The following PCDHGB1 variants were observed in gnomAD, a reference collection of about 807,000 sequenced individuals.
The protein encoded by PCDHGB1 is protocadherin gamma-B1.
In PCDHGB1, 34 loss-of-function variants were observed where a neutral mutation model predicts 56.6. The observed-to-expected ratio is 0.60, with a 90% confidence interval of 0.46 to 0.80. PCDHGB1 has a LOEUF of 0.80. Among genes scored for constraint, PCDHGB1 ranks in the 30% least tolerant of loss-of-function variants. The pLI is 0.00. For missense variants in PCDHGB1, 1,278 were observed against 1,204.6 expected (o/e 1.06, Z -0.90); for synonymous variants, 561 against 505.9 (o/e 1.11, Z -1.46).
In PCDHGB1 at chr5:141,487,568, C is replaced by T. The variant is rs752378906; in HGVS notation, c.2410-7239C>T. Reference sequence around the variant, plus strand: ...ACCCAGTGCACCTATGGCAGGGGAGCCTGTTCGCCCAAGCTGCCCACCCTC... The same window carrying T: ...ACCCAGTGCACCTATGGCAGGGGAGTCTGTTCGCCCAAGCTGCCCACCCTC... On this transcript the variant is annotated intron_variant, in intron 1 of 3. Transcript: ENST00000523390. This position sits in a 1 kb window ranked among gnomAD's most constrained non-coding sequence, Gnocchi z 5.0. The T allele has an allele frequency of 1.2e-6, 2 of 1,614,180 alleles. No individual in the cohort carries two copies. The highest frequency in any genetic ancestry group is 1.7e-6 in the Non-Finnish European group (2 of 1,180,042).
Position 141,486,638 on chromosome 5 carries a change from C to T in PCDHGB1, c.2410-8169C>T, listed in dbSNP as rs753730551. 5.6e-6 allele frequency: 9 copies of T among 1,613,700 alleles called. No homozygotes were observed. In the East Asian group the frequency reaches 8.9e-5, roughly 16 times the overall value. On this transcript the variant is annotated intron_variant, in intron 1 of 3. Coordinates refer to ENST00000523390, the MANE Select transcript of PCDHGB1 (RefSeq NM_018922.3). This position sits in a 1 kb window ranked among gnomAD's most constrained non-coding sequence, Gnocchi z 5.0. The stretch of plus-strand genomic sequence containing the variant: ...TGACCCAGACTCTGGCTTGAATGCG[C>T]TTATCTCCTACTCACTCCTGGAGCC...
intron 1 of PCDHGB1, chr5:141,411,907 G>A (rs2095522781): frequency 1.3e-5 from 2 of 152,156 alleles, no homozygotes; most frequent in Non-Finnish European, 2.9e-5. Flanking sequence ...TATTGCCTTT[G>A]CACTCAGTCT....
In PCDHGB1 at chr5:141,404,747, G is replaced by A. The variant is rs142282950; in HGVS notation, c.2409+52078G>A. 3.0e-4 allele frequency: 483 copies of A among 1,614,062 alleles called. 2 individuals carry two copies. The African/African-American group carries it at 5.3e-3, about 18-fold the overall frequency. On this transcript the variant is annotated intron_variant, in intron 1 of 3. Coordinates refer to ENST00000523390, the MANE Select transcript of PCDHGB1 (RefSeq NM_018922.3). ...GGTGGTGGCAGTGGACAGAGACTCA[G>A]GCCAGAATGCTTGGCTCTCCTACCG...
chr5:141,484,866 C>A (rs1474623432), intron 1 of PCDHGB1: 9 of 275,500 alleles, frequency 3.3e-5, no homozygotes, highest in Non-Finnish European at 5.5e-5. Context: ...GGTGGGGGAG[C>A]GTGGAGGATA....
chr5:141,489,635 G>T lies in PCDHGB1; in HGVS notation c.2410-5172G>T, dbSNP rs1380466520. On this transcript the variant is annotated intron_variant, in intron 1 of 3. Coordinates refer to ENST00000523390, the MANE Select transcript of PCDHGB1 (RefSeq NM_018922.3). This position sits in a 1 kb window ranked among gnomAD's most constrained non-coding sequence, Gnocchi z 4.5. ...CTGGATCTCAATGACAACTCTCCTA[G>T]CTTTGCCACCCCTGAGCGAGAGATG... 1.2e-6 allele frequency: 2 copies of T among 1,614,024 alleles called. No homozygotes were observed. The highest frequency in any genetic ancestry group is 2.7e-5 in the African/African-American group (2 of 74,908).
At chr5:141,414,266 C>T in intron 1 of PCDHGB1, 1 of 1,613,254 alleles carries the variant, frequency 6.2e-7, no homozygotes, top group Non-Finnish European at 8.5e-7. Context: ...ACTGAAGATT[C>T]ACCTCTGGGA....
chr5:141,436,590 C>T (rs1050788291), intron 1 of PCDHGB1, among the ~76,000 whole-genome samples: 10 of 152,102 alleles, frequency 6.6e-5, no homozygotes, highest in East Asian at 1.9e-4. Context: ...TTTGAAAGGT[C>T]GTGGTGATGG....
chr5:141,382,576 G>A (rs1778302308), intron 1 of PCDHGB1, among the ~76,000 whole-genome samples: 1 of 152,162 alleles, frequency 6.6e-6, no homozygotes, highest in Non-Finnish European at 1.5e-5. Context: ...ATCTAACAGG[G>A]AAATTTTGAA....
intron 2 of PCDHGB1, among the ~76,000 whole-genome samples, chr5:141,499,573 A>AT (rs2099792803): frequency 1.3e-5 from 2 of 152,108 alleles, no homozygotes; most frequent in Non-Finnish European, 2.9e-5. Context: ...AGCTTCAACT[A>AT]ATGCCTTATC....
Position 141,357,641 on chromosome 5 carries a change from G to A in PCDHGB1, c.2409+4972G>A, listed in dbSNP as rs773379210. On this transcript the variant is annotated intron_variant, in intron 1 of 3. Coordinates refer to ENST00000523390, the MANE Select transcript of PCDHGB1 (RefSeq NM_018922.3). Reference sequence around the variant, plus strand: ...CTTCAGGTGAGTCAATCTTATAATAGATCATACCACACTGAAATATAGACA... The same window carrying A: ...CTTCAGGTGAGTCAATCTTATAATAAATCATACCACACTGAAATATAGACA... 6 of 1,611,778 alleles carry A rather than the reference G, an allele frequency of 3.7e-6. No individual in the cohort carries two copies. In the Admixed American group the frequency reaches 1.0e-4, roughly 27 times the overall value.
chr5:141,364,754 G>C, intron 1 of PCDHGB1: 1 of 1,613,988 alleles, frequency 6.2e-7, no homozygotes, highest in Non-Finnish European at 8.5e-7. Flanking sequence ...AAAAGTAAAA[G>C]TTAATGAAAA....
At position 141,352,294 on chromosome 5, in the gene PCDHGB1, T is replaced by A. The variant is rs1758971245; in HGVS notation, c.2034T>A (p.Ser678=). The A allele has an allele frequency of 6.2e-7, 1 of 1,614,072 alleles. No homozygotes were observed. The highest frequency in any genetic ancestry group is 8.5e-7 in the Non-Finnish European group (1 of 1,179,910). ...ACCTCAGCGACCGCCCTGAGCCCTC[T>A]GACCCCCAGACGGAACTGCAGTTTT... ...LPDLSDRPEP[S]DPQTELQFYL... is the part of the protein sequence containing the mutation. Residue 678 remains serine, a synonymous_variant, in exon 1 of 4, where the codon TCT becomes TCA. Coordinates refer to ENST00000523390, the MANE Select transcript of PCDHGB1 (RefSeq NM_018922.3).
In PCDHGB1 at chr5:141,428,860, CTT is replaced by C. The variant is rs34152666; in HGVS notation, c.2410-65935_2410-65934del. On this transcript the variant is annotated intron_variant, in intron 1 of 3. Transcript: ENST00000523390. The stretch of plus-strand genomic sequence containing the variant: ...ACATTTTCACCATTTTTACGGGAGA[CTT>C]TTTTTTTTTTTGGACGGAGTCTCGC... The C allele has an allele frequency of 7.4e-3, 1,070 of 145,506 alleles. 4 individuals carry two copies. Among genetic ancestry groups the C allele is most frequent in the South Asian group, 0.018 (82 of 4,566 alleles). 9.0% of individuals were successfully genotyped at this position (145,506 alleles called of 1,614,324 possible).
At chr5:141,504,240 G>A (rs1275204117) in intron 2 of PCDHGB1, among the ~76,000 whole-genome samples, 1 of 152,182 alleles carries the variant, frequency 6.6e-6, no homozygotes, top group Non-Finnish European at 1.5e-5. Context: ...AAGAAGCAGA[G>A]AGTTCTTCTT....
chr5:141,401,010 G>A (rs62378449), intron 1 of PCDHGB1, among the ~76,000 whole-genome samples: 17,448 of 152,052 alleles, frequency 0.11, 1,158 homozygotes, highest in African/African-American at 0.18. Context: ...CCTACCTAAT[G>A]GATTTATGAT....
Position 141,393,951 on chromosome 5 carries a change from G to A in PCDHGB1, c.2409+41282G>A, listed in dbSNP as rs778713382. The A allele has an allele frequency of 6.4e-5, 104 of 1,613,726 alleles. No homozygotes were observed. The highest frequency in any genetic ancestry group is 1.6e-4 in the Middle Eastern group (1 of 6,084). ...GCATGACCAAGACTCTGGAAAGAAT[G>A]GTCAAGTTGTCTGTTACACACGTGA... On this transcript the variant is annotated intron_variant, in intron 1 of 3. Transcript: ENST00000523390.
intron 1 of PCDHGB1, chr5:141,405,303 G>C: frequency 1.2e-6 from 2 of 1,614,230 alleles, no homozygotes; most frequent in African/African-American, 1.3e-5. Context: ...AGCCAGCAGA[G>C]CTGTGAGAAA....
chr5:141,408,256 T>C, intron 1 of PCDHGB1: 1 of 1,602,226 alleles, frequency 6.2e-7, no homozygotes, highest in East Asian at 2.3e-5. Flanking sequence ...AGGTGCTATT[T>C]CCTTTGCTGC....
chr5:141,425,243 G>T (rs2096863760), intron 1 of PCDHGB1, among the ~76,000 whole-genome samples: 1 of 152,132 alleles, frequency 6.6e-6, no homozygotes, highest in Non-Finnish European at 1.5e-5. Flanking sequence ...AAATAAAAAG[G>T]ATATGAGGTA....
Sources: gnomAD v4.1 joint callset for allele counts (sites outside exome capture counted in the v4.1 genomes callset) on GRCh38, gnomAD v4.1.1 for gene constraint, Gnocchi (gnomAD v3.1) non-coding constraint, MANE v1.5 for transcripts, NCBI Gene and HGNC (gene_info 2026-07-23, HGNC 2026-07-21) for gene names.